Variants in GRM8 observed in about 807,000 individuals in gnomAD.
GRM8 encodes the protein glutamate metabotropic receptor 8.
GRM8 carries 47 observed loss-of-function variants against 87.2 expected under a neutral mutation model. The ratio of observed to expected loss-of-function variants is 0.54; its 90% confidence interval spans 0.43 to 0.69. The LOEUF is 0.69. GRM8 is among the 30% of genes least tolerant of loss of function. The pLI is 0.00. For synonymous variants in GRM8, 396 were observed against 404.5 expected, an observed-to-expected ratio of 0.98 and a Z score of 0.25; for missense variants, 1,019 against 1,139.2, an observed-to-expected ratio of 0.89 and a Z score of 1.52.
At chr7:126,464,558 T>C (rs1804273431) in intron 9 of GRM8, among the ~76,000 whole-genome samples, 1 of 151,754 alleles carries the variant, frequency 6.6e-6, no homozygotes, top group South Asian at 2.1e-4. Flanking sequence ...CCTTCCTTCC[T>C]GACTTCCTTT....
chr7:126,769,674 A>G (rs964915821), intron 7 of GRM8, among the ~76,000 whole-genome samples, 191 bp downstream of exon 7: 3 of 152,114 alleles, frequency 2.0e-5, no homozygotes, highest in Admixed American at 6.6e-5. Context: ...TCCTTCACGC[A>G]TAGATTAATG....
intron 2 of GRM8, among the ~76,000 whole-genome samples, chr7:127,151,199 G>A (rs972196941): frequency 2.0e-5 from 3 of 151,862 alleles, no homozygotes; most frequent in Admixed American, 2.0e-4. Context: ...TGGCCTAGAG[G>A]GTATGTTTTT....
At chr7:127,033,620 C>G (rs1333592516) in intron 3 of GRM8, among the ~76,000 whole-genome samples, 1 of 152,086 alleles carries the variant, frequency 6.6e-6, no homozygotes, top group Non-Finnish European at 1.5e-5. Context: ...GAATTCAAAC[C>G]TGGAAAGCTG....
At chr7:127,052,819 G>T (rs1442821944) in intron 3 of GRM8, among the ~76,000 whole-genome samples, 2 of 152,030 alleles carry the variant, frequency 1.3e-5, no homozygotes, top group African/African-American at 4.8e-5. Flanking sequence ...CTCAAGTTAC[G>T]ACTTACATAG....
At chr7:127,238,624 C>A (rs1798120324) in intron 2 of GRM8, among the ~76,000 whole-genome samples, 1 of 152,180 alleles carries the variant, frequency 6.6e-6, no homozygotes, top group African/African-American at 2.4e-5. Context: ...TCTAGTAAAG[C>A]ATTCAGTATC....
In GRM8 at chr7:127,094,682, T is replaced by C. The variant is rs538754533; in HGVS notation, c.727+11814A>G. Among the ~76,000 whole-genome samples the C allele has an allele frequency of 2.1e-4, 32 of 152,342 alleles. No individual in the cohort carries two copies. In the South Asian group the frequency reaches 4.6e-3, roughly 22 times the overall value. On this transcript the variant is annotated intron_variant, in intron 3 of 10. Transcript: ENST00000339582. ...GCTCCCAAACTGTGGAGGCCAATTC[T>C]GTTATTCAAGCCACCCAGTTTATGG...
chr7:127,203,814 A>T (rs1795751818), intron 2 of GRM8, among the ~76,000 whole-genome samples: 1 of 152,134 alleles, frequency 6.6e-6, no homozygotes, highest in Non-Finnish European at 1.5e-5. Flanking sequence ...TGAAAGGTTT[A>T]ACTTTGCATG....
chr7:126,763,571 G>A (rs1817842569), intron 7 of GRM8, among the ~76,000 whole-genome samples: 1 of 149,848 alleles, frequency 6.7e-6, no homozygotes, highest in Admixed American at 6.7e-5. Flanking sequence ...TTTATCACAT[G>A]TCTATTTTGG....
intron 2 of GRM8, among the ~76,000 whole-genome samples, chr7:127,157,869 A>C (rs1269548339): frequency 6.6e-6 from 1 of 152,176 alleles, no homozygotes; most frequent in African/African-American, 2.4e-5. Context: ...CAAAGACACC[A>C]AAGTGAATGC....
At chr7:127,004,595 A>G (rs1202297886) in intron 3 of GRM8, among the ~76,000 whole-genome samples, 4 of 151,594 alleles carry the variant, frequency 2.6e-5, no homozygotes, top group African/African-American at 9.7e-5. Flanking sequence ...AAAAATTTAT[A>G]AATGATCATC....
In GRM8 at chr7:126,600,832, T is replaced by C. The variant is rs575114528; in HGVS notation, c.1494+8530A>G. ...CTTTTTGAAAGAATAAATTAGCATC[T>C]AATAAACAAATACACAGCTTTAAAA... On this transcript the variant is annotated intron_variant, in intron 8 of 10. Transcript: ENST00000339582. 1.4e-4 allele frequency among the ~76,000 whole-genome samples: 21 copies of C among 152,256 alleles called. 1 individual carries two copies. The highest frequency in any genetic ancestry group is 9.2e-4 in the Admixed American group (14 of 15,270).
At chr7:126,777,454 C>T (rs1819602791) in intron 6 of GRM8, among the ~76,000 whole-genome samples, 1 of 152,122 alleles carries the variant, frequency 6.6e-6, no homozygotes, top group African/African-American at 2.4e-5. Context: ...GCTATTCCTT[C>T]TCCTCTGTGA....
At chr7:126,891,953 A>C (rs1395030178) in intron 6 of GRM8, among the ~76,000 whole-genome samples, 1 of 148,350 alleles carries the variant, frequency 6.7e-6, no homozygotes, top group Non-Finnish European at 1.5e-5. Flanking sequence ...GATGCCACCC[A>C]AGGCACTGAG....
At chr7:127,118,295 G>A (rs1826821587) in intron 2 of GRM8, 1 of 152,192 alleles carries the variant, frequency 6.6e-6, no homozygotes, top group African/African-American at 2.4e-5. Flanking sequence ...AACAGGAAAA[G>A]TTGATAAAAG....
chr7:127,067,380 T>C (rs937337512), intron 3 of GRM8, among the ~76,000 whole-genome samples: 4 of 152,226 alleles, frequency 2.6e-5, no homozygotes, highest in Non-Finnish European at 5.9e-5. Flanking sequence ...AAATGATTCC[T>C]GCCATGTGAC....
At chr7:127,249,345 C>G (rs892624901) in intron 1 of GRM8, among the ~76,000 whole-genome samples, 7 of 152,186 alleles carry the variant, frequency 4.6e-5, no homozygotes, top group Non-Finnish European at 8.8e-5. Flanking sequence ...GGTATCAAAG[C>G]CTGAAGATGC....
chr7:126,484,230 T>C (rs1807083459), intron 9 of GRM8, among the ~76,000 whole-genome samples: 1 of 152,042 alleles, frequency 6.6e-6, no homozygotes, highest in Non-Finnish European at 1.5e-5. Context: ...AGGCTTTAAA[T>C]AAGTAACAGC....
chr7:126,852,302 C>T (rs186881634), intron 6 of GRM8, among the ~76,000 whole-genome samples: 20 of 152,256 alleles, frequency 1.3e-4, no homozygotes, highest in Admixed American at 6.5e-4. Context: ...TAGACAGCAG[C>T]GCCTGACATG....
intron 2 of GRM8, among the ~76,000 whole-genome samples, chr7:127,202,917 C>T (rs564175824): frequency 2.0e-5 from 3 of 152,246 alleles, no homozygotes; most frequent in South Asian, 2.1e-4. Context: ...CCTCATCTTC[C>T]GAATACATTC....
Sources: gnomAD v4.1 joint callset for allele counts (sites outside exome capture counted in the v4.1 genomes callset) on GRCh38, gnomAD v4.1.1 for gene constraint, MANE v1.5 for transcripts, NCBI Gene and HGNC (gene_info 2026-07-23, HGNC 2026-07-21) for gene names.